The following SORCS2 variants were observed in gnomAD, a reference collection of about 807,000 sequenced individuals.
SORCS2 encodes sortilin related VPS10 domain containing receptor 2, also known as VPS10 domain-containing receptor SorCS2.
Under a neutral mutation model 141.6 loss-of-function variants are expected in SORCS2, and 100 were observed. That is an observed-to-expected ratio of 0.71 (90% CI 0.60 to 0.83). The LOEUF is 0.83. SORCS2 is among the 40% of genes least tolerant of loss of function. The pLI, the probability that SORCS2 is intolerant of heterozygous loss-of-function variation, is 0.00. For synonymous variants in SORCS2, 789 were observed against 676.9 expected (o/e 1.17, Z -2.57); for missense variants, 1,646 against 1,560.2 (o/e 1.05, Z -0.93).
rs556692032 is a variant in SORCS2 at position 7,690,557 on chromosome 4, C to T, written c.1591+969C>T. On this transcript the variant is annotated intron_variant, in intron 11 of 26. Transcript: ENST00000507866. ...TGGATGATGCATGATGGATGGATGG[C>T]GGTGGATGGGTGGTGGATAGGCAGA... Among the ~76,000 whole-genome samples, 9 of 140,816 alleles carry T rather than the reference C, an allele frequency of 6.4e-5. No homozygotes were observed. The South Asian group carries it at 9.6e-4, about 15-fold the overall frequency. 92.4% of individuals were successfully genotyped at this position (140,816 alleles called of 152,430 possible). A position where few individuals can be genotyped will look rare whatever the true frequency, so the allele number is the denominator to read the frequency against.
chr4:7,683,276 CTGAG>C (rs1376511873), intron 10 of SORCS2, among the ~76,000 whole-genome samples: 5 of 145,100 alleles, frequency 3.4e-5, no homozygotes, highest in Non-Finnish European at 7.4e-5. Flanking sequence ...CTGGGCTCAG[CTGAG>C]CGGCTCTGCT....
intron 1 of SORCS2, among the ~76,000 whole-genome samples, chr4:7,349,259 A>G (rs926354116): frequency 6.6e-6 from 1 of 152,196 alleles, no homozygotes; most frequent in Non-Finnish European, 1.5e-5. Flanking sequence ...CCCCTGCCGT[A>G]GGGAGCAGAA....
At chr4:7,307,863 TA>T (rs1435701007) in intron 1 of SORCS2, among the ~76,000 whole-genome samples, 1 of 151,678 alleles carries the variant, frequency 6.6e-6, no homozygotes, top group African/African-American at 2.4e-5. Flanking sequence ...TTGGTGTGTG[TA>T]TGAGTGAGTG....
In SORCS2 at chr4:7,733,409, G is replaced by A; in HGVS notation, c.3196G>A (p.Asp1066Asn). The change falls in exon 24 of 27, where the codon GAC (aspartate) becomes AAC (asparagine). Residue 1066 changes from aspartate (D) to asparagine (N), a missense_variant. Asp to Asn is a conservative substitution (Grantham distance 23). Coordinates refer to ENST00000507866, the MANE Select transcript of SORCS2 (RefSeq NM_020777.3). Reference sequence around the variant, plus strand: ...AGTCCGGGTCCTGGTGGCCCTGCGGGACACAGGCACAGGTGAGCCACTGGG... The same window carrying A: ...AGTCCGGGTCCTGGTGGCCCTGCGGAACACAGGCACAGGTGAGCCACTGGG... ...GGVRVLVALR[D>N]TGTGAEQLGG... 6.3e-7 allele frequency: 1 copy of A among 1,589,584 alleles called. No individual in the cohort carries two copies. Among genetic ancestry groups the A allele is most frequent in the Non-Finnish European group, 8.6e-7 (1 of 1,168,312 alleles).
At chr4:7,574,621 A>G (rs1715626519) in intron 3 of SORCS2, among the ~76,000 whole-genome samples, 1 of 151,752 alleles carries the variant, frequency 6.6e-6, no homozygotes, top group East Asian at 1.9e-4. Flanking sequence ...GGGAGGAAGG[A>G]AGGAAGGAGA....
intron 8 of SORCS2, among the ~76,000 whole-genome samples, chr4:7,668,968 G>A (rs894624866): frequency 1.3e-5 from 2 of 152,284 alleles, no homozygotes; most frequent in Admixed American, 6.5e-5. Flanking sequence ...TGCTGCCAAG[G>A]GTGCTCTAAG....
At chr4:7,497,855 G>C (rs1335112753) in intron 2 of SORCS2, among the ~76,000 whole-genome samples, 1 of 152,270 alleles carries the variant, frequency 6.6e-6, no homozygotes, top group Non-Finnish European at 1.5e-5. Flanking sequence ...CGAAGGCAGA[G>C]GACCAGCAGG....
intron 12 of SORCS2, among the ~76,000 whole-genome samples, chr4:7,702,645 C>G (rs1016479828): frequency 6.6e-6 from 1 of 152,208 alleles, no homozygotes; most frequent in Admixed American, 6.5e-5. Flanking sequence ...ATCTGGTGGT[C>G]GGCCATTCAT....
At chr4:7,666,543 C>A (rs922069441) in intron 7 of SORCS2, among the ~76,000 whole-genome samples, 2 of 152,156 alleles carry the variant, frequency 1.3e-5, no homozygotes, top group African/African-American at 2.4e-5. Flanking sequence ...ACCTCACCAC[C>A]AACAAGGTGG....
intron 2 of SORCS2, among the ~76,000 whole-genome samples, chr4:7,500,694 A>G (rs2109428374): frequency 6.6e-6 from 1 of 152,046 alleles, no homozygotes; most frequent in African/African-American, 2.4e-5. Flanking sequence ...GGTGTGATAG[A>G]GAGGAACCGG....
chr4:7,653,189 G>GC (rs1302478348), intron 4 of SORCS2, among the ~76,000 whole-genome samples: 1 of 152,206 alleles, frequency 6.6e-6, no homozygotes, highest in Non-Finnish European at 1.5e-5. Context: ...TGGGCAATCA[G>GC]CCCAACCCAT....
chr4:7,603,767 C>T (rs185821881), intron 3 of SORCS2, among the ~76,000 whole-genome samples: 53 of 152,058 alleles, frequency 3.5e-4, no homozygotes, highest in African/African-American at 3.9e-4. Context: ...ACCTGATCTG[C>T]GGGGATTCTC....
chr4:7,251,396 TG>T (rs1273230726), intron 1 of SORCS2, among the ~76,000 whole-genome samples: 1 of 152,108 alleles, frequency 6.6e-6, no homozygotes, highest in Non-Finnish European at 1.5e-5. Flanking sequence ...GAGAGAGGGT[TG>T]GGGGGACCAG....
rs144371786 is a variant in SORCS2 at position 7,637,561 on chromosome 4, C to T, written c.649-767C>T. On this transcript the variant is annotated intron_variant, in intron 3 of 26. Transcript: ENST00000507866. Reference sequence around the variant, plus strand: ...GAGCCTCAGTGCCCAGAACAGTGCCCAGAACAGTGCCCCGCACTCCATGAA... The same window carrying T: ...GAGCCTCAGTGCCCAGAACAGTGCCTAGAACAGTGCCCCGCACTCCATGAA... Among the ~76,000 whole-genome samples, 80 of 152,356 alleles carry T rather than the reference C, an allele frequency of 5.3e-4. 1 individual carries two copies. The highest frequency in any genetic ancestry group is 1.3e-3 in the African/African-American group (56 of 41,584).
chr4:7,577,893 G>GAA (rs1227025488), intron 3 of SORCS2, among the ~76,000 whole-genome samples: 8 of 113,126 alleles, frequency 7.1e-5, no homozygotes, highest in Non-Finnish European at 1.5e-4. Flanking sequence ...ATGGTTTGGA[G>GAA]GTCATATAGC....
chr4:7,331,388 C>G (rs1166292976), intron 1 of SORCS2, among the ~76,000 whole-genome samples: 1 of 152,022 alleles, frequency 6.6e-6, no homozygotes, highest in African/African-American at 2.4e-5. Flanking sequence ...GGTGGGTGAT[C>G]GACCCTTGCT....
chr4:7,368,389 G>A (rs898192337), intron 1 of SORCS2, among the ~76,000 whole-genome samples: 7 of 152,338 alleles, frequency 4.6e-5, no homozygotes, highest in Admixed American at 1.3e-4. Flanking sequence ...ACCCTCCCAC[G>A]GGCCTGGTCA....
chr4:7,462,261 G>A (rs1010561828), intron 2 of SORCS2, among the ~76,000 whole-genome samples: 6 of 152,212 alleles, frequency 3.9e-5, no homozygotes, highest in Non-Finnish European at 7.3e-5. Context: ...GTCAGCCTGG[G>A]ACTTTAATCC....
intron 17 of SORCS2, 147 bp from the exon 18 acceptor site, chr4:7,717,865 G>A: frequency 1.3e-6 from 1 of 744,350 alleles, no homozygotes; most frequent in South Asian, 2.3e-5. Flanking sequence ...GTGGAGTCAG[G>A]AGGTGACTGG....
Sources: gnomAD v4.1 joint callset for allele counts (sites outside exome capture counted in the v4.1 genomes callset) on GRCh38, gnomAD v4.1.1 for gene constraint, MANE v1.5 for transcripts, NCBI Gene and HGNC (gene_info 2026-07-23, HGNC 2026-07-21) for gene names.